The following DDX10 variants were observed in gnomAD, a reference collection of about 807,000 sequenced individuals.
DDX10 encodes the protein DEAD-box helicase 10, also known as probable ATP-dependent RNA helicase DDX10.
DDX10 carries 74 observed loss-of-function variants against 104.3 expected under a neutral mutation model. The ratio of observed to expected loss-of-function variants is 0.71; its 90% CI spans 0.59 to 0.86. DDX10 has a LOEUF of 0.86. Ranked by LOEUF, DDX10 falls within the 40% of genes least tolerant of loss-of-function variation. The pLI is 0.00. For synonymous variants in DDX10, 351 were observed against 353.4 expected, an observed-to-expected ratio of 0.99 and a Z score of 0.08; for missense variants, 952 against 1,040.0, an observed-to-expected ratio of 0.92 and a Z score of 1.16.
intron 13 of DDX10, among the ~76,000 whole-genome samples, chr11:108,834,005 G>C (rs1369147101): frequency 1.3e-5 from 2 of 152,170 alleles, no homozygotes; most frequent in African/African-American, 4.8e-5. Flanking sequence ...ATCCAAGCTA[G>C]ATTGCAGTGG....
chr11:108,825,538 A>G (rs1316734696), intron 13 of DDX10, among the ~76,000 whole-genome samples: 1 of 152,168 alleles, frequency 6.6e-6, no homozygotes, highest in Non-Finnish European at 1.5e-5. Context: ...GGAAGTTTGA[A>G]CACAGCTGAG....
intron 13 of DDX10, among the ~76,000 whole-genome samples, chr11:108,751,707 G>T (rs1394819085): frequency 3.3e-5 from 5 of 152,266 alleles, no homozygotes; most frequent in Admixed American, 1.3e-4. Context: ...ATAATTGTGT[G>T]AGTAGTTCGA....
chr11:108,688,325 C>T (rs751542751), intron 6 of DDX10, among the ~76,000 whole-genome samples: 1 of 152,096 alleles, frequency 6.6e-6, no homozygotes, highest in Non-Finnish European at 1.5e-5. Context: ...AGACTTCTAC[C>T]ATAAATACCT....
intron 13 of DDX10, among the ~76,000 whole-genome samples, chr11:108,820,536 G>C (rs551125889): frequency 5.9e-5 from 9 of 152,162 alleles, no homozygotes; most frequent in African/African-American, 2.2e-4. Flanking sequence ...CCGGTCAAAT[G>C]TATCAGTGTG....
chr11:108,707,075 A>G (rs781564590), intron 10 of DDX10, among the ~76,000 whole-genome samples: 2 of 152,010 alleles, frequency 1.3e-5, no homozygotes, highest in Non-Finnish European at 2.9e-5. Context: ...AACGTCCCCC[A>G]CCAGAATACA....
intron 13 of DDX10, among the ~76,000 whole-genome samples, chr11:108,828,757 G>C (rs530331776): frequency 1.3e-5 from 2 of 152,166 alleles, no homozygotes; most frequent in Non-Finnish European, 2.9e-5. Flanking sequence ...CTGAGTAGCT[G>C]GGACTACAGG....
chr11:108,813,155 A>G (rs12294159), intron 13 of DDX10, among the ~76,000 whole-genome samples: 4,684 of 152,230 alleles, frequency 0.031, 247 homozygotes, highest in African/African-American at 0.1. Flanking sequence ...AAAAATACCT[A>G]TAGAATAAAT....
chr11:108,839,972 T>C (rs1003701500), intron 14 of DDX10, among the ~76,000 whole-genome samples: 1 of 152,226 alleles, frequency 6.6e-6, no homozygotes, highest in Admixed American at 6.5e-5. Context: ...AATGTTTCAA[T>C]GTGTACTTAG....
chr11:108,668,163 G>A (rs897430802), intron 1 of DDX10, among the ~76,000 whole-genome samples: 2 of 152,108 alleles, frequency 1.3e-5, no homozygotes, highest in African/African-American at 4.8e-5. Flanking sequence ...CTGGCTTTCC[G>A]TATACTCACC....
chr11:108,853,549 TC>T (rs931124233), intron 16 of DDX10, among the ~76,000 whole-genome samples: 47 of 152,174 alleles, frequency 3.1e-4, no homozygotes, highest in African/African-American at 9.4e-4. Flanking sequence ...TTTTTTTTTT[TC>T]ATAATGGTTT....
intron 14 of DDX10, 24 bp from the exon 15 acceptor site, chr11:108,841,291 C>T (rs374110220): frequency 2.6e-5 from 42 of 1,606,964 alleles, no homozygotes; most frequent in Non-Finnish European, 3.3e-5. Flanking sequence ...TTCCTGTTGA[C>T]ACTGACCTTT....
intron 16 of DDX10, among the ~76,000 whole-genome samples, chr11:108,873,837 A>G (rs1294252232): frequency 6.6e-6 from 1 of 152,228 alleles, no homozygotes; most frequent in African/African-American, 2.4e-5. Flanking sequence ...GTTTTTTTAC[A>G]GCACAGACTG....
At chr11:108,917,088 T>G (rs1863760720) in intron 16 of DDX10, among the ~76,000 whole-genome samples, 1 of 151,686 alleles carries the variant, frequency 6.6e-6, no homozygotes, top group Non-Finnish European at 1.5e-5. Context: ...TTTTAAGAGA[T>G]GGGATCTCAC....
chr11:108,916,109 T>A (rs1235450247), intron 16 of DDX10, among the ~76,000 whole-genome samples: 1 of 152,104 alleles, frequency 6.6e-6, no homozygotes, highest in African/African-American at 2.4e-5. Flanking sequence ...TAACAAAAGC[T>A]CTTTGGCATC....
chr11:108,706,342 G>A (rs1281502683), intron 9 of DDX10, among the ~76,000 whole-genome samples: 1 of 150,368 alleles, frequency 6.7e-6, no homozygotes, highest in East Asian at 2.0e-4. Context: ...AAATCCCCAG[G>A]AAGAGGAATT....
intron 13 of DDX10, among the ~76,000 whole-genome samples, chr11:108,799,965 C>A (rs1489224605): frequency 6.6e-6 from 1 of 152,034 alleles, no homozygotes; most frequent in Non-Finnish European, 1.5e-5. Flanking sequence ...GTTACCCAGG[C>A]TGAAGCGCAG....
At chr11:108,843,367 C>T (rs1262786038) in intron 15 of DDX10, among the ~76,000 whole-genome samples, 1 of 147,034 alleles carries the variant, frequency 6.8e-6, no homozygotes, top group African/African-American at 2.5e-5. Flanking sequence ...TATGCTGTTA[C>T]TGCACAAAAG....
chr11:108,815,050 TTCTTA>T (rs1311798632), intron 13 of DDX10, among the ~76,000 whole-genome samples: 3 of 152,196 alleles, frequency 2.0e-5, no homozygotes, highest in Non-Finnish European at 2.9e-5. Flanking sequence ...TTATCAGCAA[TTCTTA>T]TCTTATGAAT....
intron 13 of DDX10, among the ~76,000 whole-genome samples, chr11:108,771,639 GAGA>G (rs1357185319): frequency 3.4e-5 from 5 of 149,174 alleles, no homozygotes; most frequent in Non-Finnish European, 4.4e-5. Flanking sequence ...GGAGGGTTAT[GAGA>G]AGGAGACTTG....
Sources: gnomAD v4.1 joint callset for allele counts (sites outside exome capture counted in the v4.1 genomes callset) on GRCh38, gnomAD v4.1.1 for gene constraint, MANE v1.5 for transcripts, NCBI Gene and HGNC (gene_info 2026-07-23, HGNC 2026-07-21) for gene names.